The following RGSL1 variants were observed in gnomAD, a reference collection of about 807,000 sequenced individuals.
RGSL1 encodes regulator of G protein signaling protein-like.
In RGSL1, 97 loss-of-function variants were observed where a neutral mutation model predicts 124.7. The ratio of observed to expected loss-of-function variants is 0.78; its 90% CI spans 0.66 to 0.92. The LOEUF (loss-of-function observed/expected upper bound fraction) is 0.92, where lower values mean the gene tolerates loss of function less well. RGSL1 is among the 40% of genes least tolerant of loss of function. RGSL1 has a pLI of 0.00. For synonymous variants in RGSL1, 424 were observed against 438.1 expected, an observed-to-expected ratio of 0.97 and a Z score of 0.40; for missense variants, 1,233 against 1,288.4, an observed-to-expected ratio of 0.96 and a Z score of 0.66.
chr1:182,449,820 C>T (rs965695577), upstream of RGSL1, among the ~76,000 whole-genome samples: 2 of 152,246 alleles, frequency 1.3e-5, no homozygotes, highest in Middle Eastern at 3.4e-3. Flanking sequence ...TTACAAGACC[C>T]TTAGGAGCTG....
intron 1 of RGSL1, among the ~76,000 whole-genome samples, chr1:182,451,374 G>A (rs1049052444): frequency 2.6e-5 from 4 of 152,112 alleles, no homozygotes; most frequent in African/African-American, 9.7e-5. Context: ...GATGGTATAG[G>A]GAGATAGTGA....
intron 4 of RGSL1, among the ~76,000 whole-genome samples, chr1:182,469,511 G>A (rs266525): frequency 0.086 from 13,048 of 152,148 alleles, 763 homozygotes; most frequent in East Asian, 0.26. Context: ...GATAACAAGC[G>A]TTGGTGAGGA....
At chr1:182,500,123 T>C (rs1272960040) in intron 9 of RGSL1, among the ~76,000 whole-genome samples, 1 of 152,200 alleles carries the variant, frequency 6.6e-6, no homozygotes, top group Non-Finnish European at 1.5e-5. Flanking sequence ...CTTTGTTTTA[T>C]CCAAGAGCTT....
chr1:182,521,565 G>A (rs925991409), intron 9 of RGSL1, among the ~76,000 whole-genome samples: 3 of 152,320 alleles, frequency 2.0e-5, no homozygotes, highest in African/African-American at 4.8e-5. Context: ...AAGAAGTCAA[G>A]CATCTGTGAA....
At chr1:182,532,466 G>C (rs1659243212) in intron 13 of RGSL1, among the ~76,000 whole-genome samples, 196 bp from the exon 14 acceptor site, 1 of 152,166 alleles carries the variant, frequency 6.6e-6, no homozygotes, top group South Asian at 2.1e-4. Flanking sequence ...TCACTGACCA[G>C]CTACTTAATT....
At chr1:182,450,567 G>A (rs1651731781) in intron 1 of RGSL1, 1 of 254,176 alleles carries the variant, frequency 3.9e-6, no homozygotes, top group Non-Finnish European at 7.9e-6. Context: ...GAAGTTTGAA[G>A]GCAGAACAGG....
intron 9 of RGSL1, among the ~76,000 whole-genome samples, chr1:182,509,876 C>G (rs1400280595): frequency 7.1e-6 from 1 of 141,738 alleles, no homozygotes; most frequent in Non-Finnish European, 1.6e-5. Context: ...CTCCTCACTT[C>G]CCAGATGGGG....
chr1:182,465,949 A>G (rs973808085), intron 4 of RGSL1, among the ~76,000 whole-genome samples: 3 of 152,186 alleles, frequency 2.0e-5, no homozygotes, highest in African/African-American at 7.2e-5. Context: ...ACAGTATATT[A>G]AAAGGATTAA....
At chr1:182,555,335 T>G (rs911985815) in intron 20 of RGSL1, 1 of 154,464 alleles carries the variant, frequency 6.5e-6, no homozygotes, top group Non-Finnish European at 1.4e-5. Flanking sequence ...TATGACTGTT[T>G]AGTATTACAT....
chr1:182,522,097 C>T lies in RGSL1; in HGVS notation c.1919C>T (p.Ser640Leu). ...AAAAGAACTCTTGTAAGGAAGCCAT[C>T]AATGAGACCCAGGTGAGATATAGAA... The part of the protein sequence containing the change: ...LLKRTLVRKP[S>L]MRPRNLTEVL... Residue 640 changes from serine (S) to leucine (L), a missense_variant, in exon 10 of 22, where the codon TCA becomes TTA. Transcript: ENST00000294854. 1 of 1,548,238 alleles carries T rather than the reference C, an allele frequency of 6.5e-7. No individual in the cohort carries two copies. Among genetic ancestry groups the T allele is most frequent in the Non-Finnish European group, 8.7e-7 (1 of 1,145,112 alleles).
chr1:182,554,615 A>G lies in RGSL1; in HGVS notation c.3131-12A>G. 6.4e-7 allele frequency: 1 copy of G among 1,551,180 alleles called. No individual in the cohort carries two copies. The highest frequency in any genetic ancestry group is 1.2e-5 in the South Asian group (1 of 84,054). On this transcript the variant is annotated splice_polypyrimidine_tract_variant and intron_variant, in intron 19 of 21. Coordinates refer to ENST00000294854, the MANE Select transcript of RGSL1 (RefSeq NM_001137669.2). The stretch of plus-strand genomic sequence containing the variant: ...GAGTCCTGATGCAATTTTTCTCTGT[A>G]TTTCTCTTTAGCTTCATCAAGCAAA...
chr1:182,526,337 C>T (rs4102074), intron 10 of RGSL1, among the ~76,000 whole-genome samples: 2,939 of 152,166 alleles, frequency 0.019, 96 homozygotes, highest in African/African-American at 0.067. Flanking sequence ...TGAAAACCTT[C>T]AATACAATAT....
intron 14 of RGSL1, 131 bp downstream of exon 14, chr1:182,532,922 G>C: frequency 9.9e-7 from 1 of 1,008,352 alleles, no homozygotes; most frequent in Non-Finnish European, 1.4e-6. Flanking sequence ...CCCAGGTCCT[G>C]TGTGCAAAGC....
intron 12 of RGSL1, 95 bp downstream of exon 12, chr1:182,530,456 A>G (rs942968658): frequency 1.0e-6 from 1 of 966,844 alleles, no homozygotes; most frequent in Non-Finnish European, 1.5e-6. Flanking sequence ...CCATTTTCAT[A>G]GCTCATTGCC....
At chr1:182,543,817 G>T (rs1312657110) in intron 15 of RGSL1, among the ~76,000 whole-genome samples, 2 of 151,708 alleles carry the variant, frequency 1.3e-5, no homozygotes. Flanking sequence ...CCAATTTGTT[G>T]GTGTATAGTT....
intron 11 of RGSL1, among the ~76,000 whole-genome samples, chr1:182,529,318 G>A (rs1475454347): frequency 6.6e-6 from 1 of 152,170 alleles, no homozygotes; most frequent in Non-Finnish European, 1.5e-5. Flanking sequence ...TCAAATTCAA[G>A]TCATTTGACC....
At chr1:182,515,510 G>C (rs1298578113) in intron 9 of RGSL1, among the ~76,000 whole-genome samples, 1 of 141,626 alleles carries the variant, frequency 7.1e-6, no homozygotes, top group Non-Finnish European at 1.5e-5. Flanking sequence ...GAGTGCATGG[G>C]GGAAGGAAAG....
chr1:182,460,471 G>A (rs1319335103), intron 4 of RGSL1, among the ~76,000 whole-genome samples: 1 of 152,124 alleles, frequency 6.6e-6, no homozygotes, highest in Non-Finnish European at 1.5e-5. Flanking sequence ...AATGGTGGCC[G>A]CAGAACATAG....
intron 5 of RGSL1, 43 bp from the exon 6 acceptor site, chr1:182,473,531 TC>T (rs1305916271): frequency 6.1e-6 from 9 of 1,478,666 alleles, no homozygotes; most frequent in Non-Finnish European, 8.1e-6. Context: ...ATCACTGCCA[TC>T]ATCCCATCAT....
Sources: allele counts gnomAD v4.1 joint callset (sites outside exome capture counted in the v4.1 genomes callset), GRCh38; gene constraint gnomAD v4.1.1; transcripts MANE v1.5; gene names NCBI Gene and HGNC (gene_info 2026-07-23, HGNC 2026-07-21).